Variants in MAML3 observed in about 807,000 individuals in gnomAD.
MAML3 encodes the protein mastermind like transcriptional coactivator 3, also known as mastermind-like protein 3.
A neutral mutation model predicts 101.9 loss-of-function variants in MAML3; 27 were observed. That is an observed-to-expected ratio of 0.27 (90% CI 0.20 to 0.37). The LOEUF (loss-of-function observed/expected upper bound fraction) is 0.37. Ranked by LOEUF, MAML3 falls within the 10% of genes least tolerant of loss-of-function variation. The pLI, the probability that MAML3 is intolerant of heterozygous loss-of-function variation, is 1.00. For synonymous variants in MAML3, 501 were observed against 555.9 expected (o/e 0.90, Z 1.39); for missense variants, 1,316 against 1,444.9 (o/e 0.91, Z 1.45).
At chr4:140,033,354 C>T (rs1726936708) in intron 1 of MAML3, among the ~76,000 whole-genome samples, 2 of 151,966 alleles carry the variant, frequency 1.3e-5, no homozygotes, top group Admixed American at 1.3e-4. Context: ...TCACGCAAAA[C>T]CTGAGTGGCG....
intron 2 of MAML3, among the ~76,000 whole-genome samples, chr4:139,781,027 A>G (rs1730194793): frequency 6.6e-6 from 1 of 152,178 alleles, no homozygotes. Flanking sequence ...CTTTGTTAGA[A>G]TGCTCAGCAC....
intron 2 of MAML3, among the ~76,000 whole-genome samples, chr4:139,879,525 GAAAA>G (rs5862443): frequency 8.6e-6 from 1 of 115,656 alleles, no homozygotes; most frequent in Non-Finnish European, 1.7e-5. Flanking sequence ...GGCTCTGACT[GAAAA>G]AAAAAAAAAA....
At chr4:139,763,294 A>G (rs141535915) in intron 2 of MAML3, among the ~76,000 whole-genome samples, 1 of 152,312 alleles carries the variant, frequency 6.6e-6, no homozygotes, top group East Asian at 1.9e-4. Context: ...GGAATCCTAG[A>G]GTTTATTCTC....
At chr4:140,139,594 C>T (rs1728949413) in intron 1 of MAML3, among the ~76,000 whole-genome samples, 1 of 152,292 alleles carries the variant, frequency 6.6e-6, no homozygotes, top group African/African-American at 2.4e-5. Context: ...TATTATAAAT[C>T]ATCTCCGGAC....
intron 2 of MAML3, among the ~76,000 whole-genome samples, chr4:139,807,003 CAG>C (rs1730713834): frequency 6.6e-6 from 1 of 152,116 alleles, no homozygotes; most frequent in South Asian, 2.1e-4. Context: ...CTAAAATAAA[CAG>C]ACTTTTTAGG....
chr4:139,906,506 C>G (rs1048212892), intron 1 of MAML3, among the ~76,000 whole-genome samples: 1 of 152,094 alleles, frequency 6.6e-6, no homozygotes, highest in East Asian at 1.9e-4. Flanking sequence ...GTGGGAAAAT[C>G]GAGGCATAGA....
chr4:139,886,272 A>C (rs1241467523), intron 2 of MAML3, among the ~76,000 whole-genome samples: 1 of 152,170 alleles, frequency 6.6e-6, no homozygotes, highest in Non-Finnish European at 1.5e-5. Context: ...AATTCAACTA[A>C]GAATTTTTTT....
intron 1 of MAML3, among the ~76,000 whole-genome samples, chr4:140,055,241 A>C (rs966952864): frequency 6.6e-6 from 1 of 152,230 alleles, no homozygotes; most frequent in African/African-American, 2.4e-5. Flanking sequence ...CAGATAATAA[A>C]AAAAAACCTA....
chr4:139,796,808 T>C (rs763473226), intron 2 of MAML3, among the ~76,000 whole-genome samples: 1 of 152,096 alleles, frequency 6.6e-6, no homozygotes, highest in Non-Finnish European at 1.5e-5. Flanking sequence ...GAAATGATAG[T>C]CACCAAAGTC....
At chr4:139,892,668 T>C (rs1020387904) in intron 1 of MAML3, among the ~76,000 whole-genome samples, 2 of 151,674 alleles carry the variant, frequency 1.3e-5, no homozygotes, top group Non-Finnish European at 2.9e-5. Flanking sequence ...CCACTGTCTT[T>C]AGGTTAAAGT....
rs187369495 is a variant in MAML3 at position 140,015,259 on chromosome 4, G to A, written c.469-124292C>T. On this transcript the variant is annotated intron_variant, in intron 1 of 4. Transcript: ENST00000509479. ...GAAAAAGAAAAGCAAAGTCAAGTAC[G>A]CAAAGAAAAAAGAGAATGAAATTTA... 1.9e-3 allele frequency among the ~76,000 whole-genome samples: 286 copies of A among 152,038 alleles called. 1 individual carries two copies. Among genetic ancestry groups the A allele is most frequent in the African/African-American group, 5.4e-3 (223 of 41,502 alleles).
chr4:140,033,199 A>G lies in MAML3; in HGVS notation c.468+119661T>C, dbSNP rs62345560. Among the ~76,000 whole-genome samples, 1,401 of 152,384 alleles carry G rather than the reference A, an allele frequency of 9.2e-3. 14 individuals are homozygous for G. The highest frequency in any genetic ancestry group is 0.02 in the Middle Eastern group (6 of 294). On this transcript the variant is annotated intron_variant, in intron 1 of 4. Coordinates refer to ENST00000509479, the MANE Select transcript of MAML3 (RefSeq NM_018717.5). ...TGTGAACATCATTGCACTAAGAGCT[A>G]TTCGAAACAAATGGCAAGGGCTTTT... is the stretch of plus-strand genomic sequence containing the variant.
intron 1 of MAML3, among the ~76,000 whole-genome samples, chr4:139,928,366 A>G (rs957376145): frequency 6.6e-6 from 1 of 152,234 alleles, no homozygotes; most frequent in African/African-American, 2.4e-5. Flanking sequence ...TGGATTACAA[A>G]GAAATCTTAG....
intron 1 of MAML3, among the ~76,000 whole-genome samples, chr4:140,060,380 A>AAAAAAAAAAAAAAAAAAAAC (rs1727425700): frequency 2.0e-5 from 3 of 147,902 alleles, no homozygotes; most frequent in Non-Finnish European, 4.5e-5. Flanking sequence ...AAAAAAAAAA[A>AAAAAAAAAAAAAAAAAAAAC]AAAAAGTCAC....
In MAML3 at chr4:139,836,799, G is replaced by C. The variant is rs556360203; in HGVS notation, c.2079+52558C>G. On this transcript the variant is annotated intron_variant, in intron 2 of 4. Transcript: ENST00000509479. ...TGGCTATTTCTCTTAGACAGTATGA[G>C]AAACTTTCAGATCTTTAATTTGCTA... Among the ~76,000 whole-genome samples, 11 of 152,278 alleles carry C rather than the reference G, an allele frequency of 7.2e-5. No individual in the cohort carries two copies. The South Asian group carries it at 2.1e-3, about 29-fold the overall frequency.
At chr4:139,909,727 C>T (rs1001043993) in intron 1 of MAML3, among the ~76,000 whole-genome samples, 1 of 149,790 alleles carries the variant, frequency 6.7e-6, no homozygotes, top group African/African-American at 2.4e-5. Context: ...ATCCCAGCTA[C>T]TCAGGAGGCT....
intron 2 of MAML3, among the ~76,000 whole-genome samples, chr4:139,797,122 A>G (rs989264942): frequency 6.6e-6 from 1 of 152,212 alleles, no homozygotes; most frequent in African/African-American, 2.4e-5. Flanking sequence ...TGTTCTTACA[A>G]TTGAACAAAA....
chr4:139,875,091 T>C (rs569695315), intron 2 of MAML3, among the ~76,000 whole-genome samples: 2 of 152,216 alleles, frequency 1.3e-5, no homozygotes, highest in African/African-American at 2.4e-5. Context: ...GCGTGAGCCA[T>C]CATGCCCAGC....
chr4:139,828,172 A>T (rs956539770), intron 2 of MAML3, among the ~76,000 whole-genome samples: 12 of 152,238 alleles, frequency 7.9e-5, no homozygotes, highest in African/African-American at 2.7e-4. Context: ...GAAAAAAAAC[A>T]ATTATAACAT....
Sources: allele counts gnomAD v4.1 joint callset (sites outside exome capture counted in the v4.1 genomes callset), GRCh38; gene constraint gnomAD v4.1.1; transcripts MANE v1.5; gene names NCBI Gene and HGNC (gene_info 2026-07-23, HGNC 2026-07-21).